The following SYNDIG1 variants were observed in gnomAD, a reference collection of about 807,000 sequenced individuals.
SYNDIG1 encodes synapse differentiation inducing 1.
A neutral mutation model predicts 19.4 loss-of-function variants in SYNDIG1; 9 were observed. The ratio of observed to expected loss-of-function variants is 0.46; its 90% CI spans 0.28 to 0.81. The LOEUF (loss-of-function observed/expected upper bound fraction) is 0.81, where lower values mean the gene tolerates loss of function less well. Ranked by LOEUF, SYNDIG1 falls within the 30% of genes least tolerant of loss-of-function variation. SYNDIG1 has a pLI of 0.12. For synonymous variants in SYNDIG1, 141 were observed against 145.9 expected (o/e 0.97, Z 0.24); for missense variants, 311 against 343.3 (o/e 0.91, Z 0.74).
intron 2 of SYNDIG1, among the ~76,000 whole-genome samples, chr20:24,575,120 G>C (rs2146963803): frequency 6.6e-6 from 1 of 152,320 alleles, no homozygotes. Context: ...CCTTACAAGG[G>C]CTTTCTTCCC....
At chr20:24,539,093 A>G (rs1360313118) in intron 1 of SYNDIG1, among the ~76,000 whole-genome samples, 1 of 152,220 alleles carries the variant, frequency 6.6e-6, no homozygotes, top group Non-Finnish European at 1.5e-5. Flanking sequence ...GCACAAAAAT[A>G]TCTAAATTGT....
At position 24,589,623 on chromosome 20, in the gene SYNDIG1, A is replaced by ACC. The variant is rs2058474698; in HGVS notation, c.618+4630_618+4631insCC. Among the ~76,000 whole-genome samples, 5 of 152,358 alleles carry ACC rather than the reference A, an allele frequency of 3.3e-5. No individual in the cohort carries two copies. The South Asian group carries it at 8.3e-4, about 25-fold the overall frequency. The stretch of plus-strand genomic sequence containing the variant: ...CATTGGGCCTGGACCTGCGCCGGGC[A>ACC]GGCCCGAGGGTTCCTGTGTTGACTG... On this transcript the variant is annotated intron_variant, in intron 3 of 3. Coordinates refer to ENST00000376862, the MANE Select transcript of SYNDIG1 (RefSeq NM_024893.3).
At position 24,665,639 on chromosome 20, in the gene SYNDIG1, G is replaced by T. The variant is rs1476059271; in HGVS notation, c.*135G>T. 4.6e-6 allele frequency: 6 copies of T among 1,311,706 alleles called. No individual in the cohort carries two copies. The highest frequency in any genetic ancestry group is 6.3e-6 in the Non-Finnish European group (6 of 958,260). The allele number at this position is 1,311,706 out of a possible 1,614,324, so 81.3% of individuals were successfully genotyped here. A position where few individuals can be genotyped will look rare whatever the true frequency, so the allele number is the denominator to read the frequency against. ...CGAAGCCCTGGGATTTCCTACCCAT[G>T]GATTTATTTTGTTTTTATCCTTTAA... On this transcript the variant is annotated 3_prime_UTR_variant, in exon 4 of 4. Coordinates refer to ENST00000376862, the MANE Select transcript of SYNDIG1 (RefSeq NM_024893.3).
rs2055355230 is a variant in SYNDIG1 at position 24,469,630 on chromosome 20, G to A, written c.-202G>A. The A allele has an allele frequency of 6.6e-6, 1 of 151,918 alleles. No individual in the cohort carries two copies. The highest frequency in any genetic ancestry group is 1.5e-5 in the Non-Finnish European group (1 of 68,148). 9.4% of individuals were successfully genotyped at this position (151,918 alleles called of 1,614,324 possible). On this transcript the variant is annotated 5_prime_UTR_variant, in exon 1 of 4. Transcript: ENST00000376862. ...GCAGAGCGGCGCTGAGGGGAGGGCA[G>A]AGGAGGAGAGAGCCTGGCAGCGGAG...
intron 1 of SYNDIG1, among the ~76,000 whole-genome samples, chr20:24,524,179 C>G (rs2057066433): frequency 6.6e-6 from 1 of 152,114 alleles, no homozygotes; most frequent in Non-Finnish European, 1.5e-5. Context: ...AGGCGCTGAC[C>G]CATTGCCTGT....
chr20:24,651,531 G>A (rs541459407), intron 3 of SYNDIG1, among the ~76,000 whole-genome samples: 21 of 152,276 alleles, frequency 1.4e-4, no homozygotes, highest in Admixed American at 6.5e-4. Context: ...TTGTTTTCAC[G>A]TATATTTAAA....
chr20:24,624,762 A>C (rs1476129310), intron 3 of SYNDIG1, among the ~76,000 whole-genome samples: 1 of 152,244 alleles, frequency 6.6e-6, no homozygotes, highest in East Asian at 1.9e-4. Context: ...TCTCAGGGGC[A>C]CGTGAAGCAG....
chr20:24,564,102 C>A (rs1241330827), intron 2 of SYNDIG1, among the ~76,000 whole-genome samples: 2 of 151,924 alleles, frequency 1.3e-5, no homozygotes, highest in African/African-American at 4.8e-5. Context: ...TTCAACCTGA[C>A]CAATGTAGAT....
At chr20:24,601,264 G>A (rs1251444120) in intron 3 of SYNDIG1, among the ~76,000 whole-genome samples, 1 of 152,170 alleles carries the variant, frequency 6.6e-6, no homozygotes, top group African/African-American at 2.4e-5. Flanking sequence ...GTTTACGAGA[G>A]AGATTGATGT....
At chr20:24,498,899 C>G (rs561880294) in intron 1 of SYNDIG1, among the ~76,000 whole-genome samples, 1 of 152,164 alleles carries the variant, frequency 6.6e-6, no homozygotes, top group Non-Finnish European at 1.5e-5. Flanking sequence ...TCCAGATGCA[C>G]AACCAGAAGC....
At chr20:24,532,289 A>G (rs541562529) in intron 1 of SYNDIG1, among the ~76,000 whole-genome samples, 1 of 152,346 alleles carries the variant, frequency 6.6e-6, no homozygotes, top group African/African-American at 2.4e-5. Context: ...GTGCTTCCGT[A>G]CCATGGAATA....
chr20:24,531,159 T>A (rs2057251174), intron 1 of SYNDIG1, among the ~76,000 whole-genome samples: 1 of 152,178 alleles, frequency 6.6e-6, no homozygotes, highest in African/African-American at 2.4e-5. Context: ...CTGACTTCAT[T>A]CTGTTTCTAC....
chr20:24,486,229 T>A (rs2055952407), intron 1 of SYNDIG1, among the ~76,000 whole-genome samples: 3 of 152,138 alleles, frequency 2.0e-5, no homozygotes, highest in Non-Finnish European at 1.5e-5. Context: ...GGGTGTGGTG[T>A]GGGCAGGATG....
chr20:24,518,492 C>G (rs1287377998), intron 1 of SYNDIG1, among the ~76,000 whole-genome samples: 1 of 152,170 alleles, frequency 6.6e-6, no homozygotes, highest in Admixed American at 6.5e-5. Flanking sequence ...TATCCTTGTC[C>G]CGTTGGCAAC....
At chr20:24,623,976 C>A (rs2059079376) in intron 3 of SYNDIG1, among the ~76,000 whole-genome samples, 1 of 152,092 alleles carries the variant, frequency 6.6e-6, no homozygotes, top group Admixed American at 6.5e-5. Flanking sequence ...AAATGAGACC[C>A]AACTGGCTGG....
intron 3 of SYNDIG1, among the ~76,000 whole-genome samples, chr20:24,639,479 G>T (rs1411773150): frequency 6.6e-6 from 1 of 152,148 alleles, no homozygotes; most frequent in Non-Finnish European, 1.5e-5. Flanking sequence ...CGGCATCTCC[G>T]GGGATGGGAG....
intron 2 of SYNDIG1, among the ~76,000 whole-genome samples, chr20:24,558,581 T>C (rs929198531): frequency 2.0e-5 from 3 of 152,076 alleles, no homozygotes; most frequent in African/African-American, 7.3e-5. Context: ...TTTCTGCATG[T>C]ATCCTGGTTT....
intron 1 of SYNDIG1, among the ~76,000 whole-genome samples, chr20:24,510,272 A>C (rs887847408): frequency 3.3e-5 from 5 of 152,062 alleles, no homozygotes; most frequent in Non-Finnish European, 7.4e-5. Context: ...TAGGAATTTG[A>C]AATTATTTTC....
intron 3 of SYNDIG1, among the ~76,000 whole-genome samples, chr20:24,637,612 G>A (rs975497270): frequency 2.6e-5 from 4 of 152,196 alleles, no homozygotes; most frequent in Non-Finnish European, 5.9e-5. Context: ...TACAGATCAA[G>A]TCACTAAAGT....
Sources: gnomAD v4.1 joint callset for allele counts (sites outside exome capture counted in the v4.1 genomes callset) on GRCh38, gnomAD v4.1.1 for gene constraint, MANE v1.5 for transcripts, NCBI Gene and HGNC (gene_info 2026-07-23, HGNC 2026-07-21) for gene names.